Variants in CPNE4 observed in about 807,000 individuals in gnomAD.
The protein encoded by CPNE4 is copine 4.
Under a neutral mutation model 67.9 loss-of-function variants are expected in CPNE4, and 25 were observed. The ratio of observed to expected loss-of-function variants is 0.37; its 90% CI spans 0.27 to 0.51. CPNE4 has a LOEUF of 0.51. CPNE4 is among the 20% of genes least tolerant of loss of function. The pLI, the probability that CPNE4 is intolerant of heterozygous loss-of-function variation, is 0.93. For missense variants in CPNE4, 464 were observed against 690.8 expected, an observed-to-expected ratio of 0.67 and a Z score of 3.68; for synonymous variants, 242 against 244.9, an observed-to-expected ratio of 0.99 and a Z score of 0.11.
At chr3:131,812,417 T>G (rs1384029155) in intron 2 of CPNE4, among the ~76,000 whole-genome samples, 1 of 151,946 alleles carries the variant, frequency 6.6e-6, no homozygotes, top group Non-Finnish European at 1.5e-5. Flanking sequence ...AAGGTGAATA[T>G]CCAGTTAAGG....
intron 1 of CPNE4, among the ~76,000 whole-genome samples, chr3:131,981,911 A>G (rs981148606): frequency 1.3e-5 from 2 of 152,114 alleles, no homozygotes; most frequent in Admixed American, 6.5e-5. Flanking sequence ...CACTTGGATC[A>G]CTCACAGTTT....
At chr3:131,793,597 A>T (rs576340877) in intron 2 of CPNE4, among the ~76,000 whole-genome samples, 1 of 152,310 alleles carries the variant, frequency 6.6e-6, no homozygotes, top group East Asian at 1.9e-4. Flanking sequence ...TCTCTCACTC[A>T]CTAAGATCCA....
At chr3:131,962,509 A>T (rs1239498370) in intron 1 of CPNE4, among the ~76,000 whole-genome samples, 3 of 152,236 alleles carry the variant, frequency 2.0e-5, no homozygotes, top group Non-Finnish European at 4.4e-5. Context: ...CAAAGAGCAT[A>T]GACTGGACTC....
At chr3:131,772,649 C>A (rs190493809) in intron 2 of CPNE4, among the ~76,000 whole-genome samples, 1 of 152,072 alleles carries the variant, frequency 6.6e-6, no homozygotes, top group Non-Finnish European at 1.5e-5. Context: ...GGTAACGCTC[C>A]GTCAATTGGA....
intron 7 of CPNE4, among the ~76,000 whole-genome samples, chr3:131,605,405 T>C (rs890755856): frequency 4.6e-5 from 7 of 152,112 alleles, no homozygotes; most frequent in African/African-American, 7.2e-5. Context: ...CTCTCTCTAG[T>C]AGTCTCCAGT....
At chr3:131,767,000 A>T (rs2083035322) in intron 2 of CPNE4, among the ~76,000 whole-genome samples, 1 of 152,216 alleles carries the variant, frequency 6.6e-6, no homozygotes, top group Non-Finnish European at 1.5e-5. Context: ...GAAAAAACGA[A>T]AACAGTTAGA....
intron 1 of CPNE4, among the ~76,000 whole-genome samples, chr3:131,968,429 G>A (rs1376911920): frequency 6.6e-6 from 1 of 152,174 alleles, no homozygotes; most frequent in East Asian, 1.9e-4. Flanking sequence ...GCAACCTACA[G>A]AATGGGAGAA....
intron 7 of CPNE4, among the ~76,000 whole-genome samples, chr3:131,634,171 G>C (rs2079314024): frequency 6.6e-6 from 1 of 152,110 alleles, no homozygotes; most frequent in Non-Finnish European, 1.5e-5. Flanking sequence ...TTATCTTACT[G>C]TTTGTGTGAT....
intron 14 of CPNE4, 22 bp from the exon 15 acceptor site, chr3:131,542,815 T>C: frequency 7.1e-7 from 1 of 1,401,908 alleles, no homozygotes; most frequent in East Asian, 2.5e-5. Context: ...TGCCCCATGA[T>C]GATGGGGGGG....
intron 1 of CPNE4, among the ~76,000 whole-genome samples, chr3:131,927,557 T>A (rs991575076): frequency 1.3e-5 from 2 of 152,210 alleles, no homozygotes; most frequent in African/African-American, 4.8e-5. Flanking sequence ...AGGGTATACC[T>A]TTTTTGTATT....
intron 5 of CPNE4, among the ~76,000 whole-genome samples, chr3:131,696,232 A>G (rs996248239): frequency 6.6e-6 from 1 of 152,146 alleles, no homozygotes; most frequent in Admixed American, 6.5e-5. Flanking sequence ...CTTCCCTTTC[A>G]TATCTTCTCC....
chr3:131,838,527 T>C (rs1359252574), intron 2 of CPNE4, among the ~76,000 whole-genome samples: 4 of 151,636 alleles, frequency 2.6e-5, no homozygotes. Context: ...CTACAAATCC[T>C]GAAAATCAAT....
intron 2 of CPNE4, among the ~76,000 whole-genome samples, chr3:131,794,643 A>T (rs2083870232): frequency 6.6e-6 from 1 of 152,210 alleles, no homozygotes; most frequent in African/African-American, 2.4e-5. Flanking sequence ...GCTATAAAGG[A>T]TCTTCCTGTA....
At chr3:132,006,295 TCA>T (rs2073604172) in intron 1 of CPNE4, among the ~76,000 whole-genome samples, 1 of 152,120 alleles carries the variant, frequency 6.6e-6, no homozygotes, top group Non-Finnish European at 1.5e-5. Flanking sequence ...TCTGAAGAGT[TCA>T]GTTTCCTCAT....
At chr3:131,684,285 A>G (rs1026362102) in intron 6 of CPNE4, among the ~76,000 whole-genome samples, 1 of 152,156 alleles carries the variant, frequency 6.6e-6, no homozygotes, top group Non-Finnish European at 1.5e-5. Context: ...GTTTCACATA[A>G]GGAAACTTAA....
At chr3:131,615,703 A>G (rs574850910) in intron 7 of CPNE4, among the ~76,000 whole-genome samples, 1 of 152,222 alleles carries the variant, frequency 6.6e-6, no homozygotes, top group South Asian at 2.1e-4. Flanking sequence ...CTCTATTATG[A>G]CACTGACTTT....
intron 7 of CPNE4, among the ~76,000 whole-genome samples, chr3:131,636,638 G>T (rs2079394333): frequency 6.6e-6 from 1 of 152,138 alleles, no homozygotes; most frequent in Non-Finnish European, 1.5e-5. Flanking sequence ...TTTAATACTT[G>T]ACCAGGTGTC....
intron 2 of CPNE4, among the ~76,000 whole-genome samples, chr3:131,741,129 T>C (rs2082347041): frequency 6.6e-6 from 1 of 152,256 alleles, no homozygotes; most frequent in African/African-American, 2.4e-5. Context: ...TTAGCACTTA[T>C]TACTGTCTAA....
intron 7 of CPNE4, among the ~76,000 whole-genome samples, chr3:131,662,919 C>G (rs2080163452): frequency 6.6e-6 from 1 of 152,130 alleles, no homozygotes; most frequent in Non-Finnish European, 1.5e-5. Context: ...CCTCAAGGAT[C>G]TAGAACCAGA....
Sources: allele counts gnomAD v4.1 joint callset (sites outside exome capture counted in the v4.1 genomes callset), GRCh38; gene constraint gnomAD v4.1.1; transcripts MANE v1.5; gene names NCBI Gene and HGNC (gene_info 2026-07-23, HGNC 2026-07-21).